The following ITFG1 variants were observed in gnomAD, a reference collection of about 807,000 sequenced individuals.
The protein encoded by ITFG1 is T-cell immunomodulatory protein.
A neutral mutation model predicts 81.8 loss-of-function variants in ITFG1; 34 were observed. The observed-to-expected ratio is 0.42, with a 90% CI of 0.32 to 0.55. The LOEUF is 0.55. Ranked by LOEUF, ITFG1 falls within the 20% of genes least tolerant of loss-of-function variation. ITFG1 has a pLI of 0.17. For missense variants in ITFG1, 672 were observed against 755.4 expected, an observed-to-expected ratio of 0.89 and a Z score of 1.29; for synonymous variants, 285 against 270.6, an observed-to-expected ratio of 1.05 and a Z score of -0.52.
chr16:47,422,991 G>C (rs1291551990), intron 6 of ITFG1, among the ~76,000 whole-genome samples: 1 of 152,148 alleles, frequency 6.6e-6, no homozygotes, highest in East Asian at 1.9e-4. Flanking sequence ...TCAACCTTCT[G>C]TCTTGTTGAT....
At chr16:47,456,716 G>A (rs898875836) in intron 2 of ITFG1, among the ~76,000 whole-genome samples, 2 of 151,184 alleles carry the variant, frequency 1.3e-5, no homozygotes, top group Non-Finnish European at 3.0e-5. Context: ...AAAAAAAGTG[G>A]GTAGAAAAAC....
At chr16:47,429,101 A>G (rs757180683) in intron 5 of ITFG1, among the ~76,000 whole-genome samples, 1 of 152,184 alleles carries the variant, frequency 6.6e-6, no homozygotes, top group African/African-American at 2.4e-5. Context: ...ACTCCAAAGC[A>G]TTTTCATCAC....
chr16:47,356,811 T>G (rs1268856608), intron 8 of ITFG1, among the ~76,000 whole-genome samples: 1 of 152,130 alleles, frequency 6.6e-6, no homozygotes, highest in Non-Finnish European at 1.5e-5. Flanking sequence ...GAAATGGAAG[T>G]CAGACGTGTT....
At chr16:47,274,404 G>C (rs1415741461) in intron 10 of ITFG1, among the ~76,000 whole-genome samples, 1 of 152,078 alleles carries the variant, frequency 6.6e-6, no homozygotes, top group Non-Finnish European at 1.5e-5. Flanking sequence ...GATTAAACCA[G>C]GAATGTATAT....
intron 14 of ITFG1, among the ~76,000 whole-genome samples, chr16:47,168,204 T>G (rs1438968316): frequency 2.6e-5 from 4 of 152,234 alleles, no homozygotes; most frequent in Non-Finnish European, 5.9e-5. Flanking sequence ...TTTTCTGTGC[T>G]TATTGGCTAC....
At chr16:47,428,564 A>G (rs1358588850) in intron 6 of ITFG1, among the ~76,000 whole-genome samples, 1 of 152,220 alleles carries the variant, frequency 6.6e-6, no homozygotes, top group African/African-American at 2.4e-5. Context: ...TGAATTCATA[A>G]AAAGTAGAGA....
chr16:47,226,618 C>T (rs1000709022), intron 13 of ITFG1, among the ~76,000 whole-genome samples: 31 of 148,600 alleles, frequency 2.1e-4, no homozygotes, highest in Non-Finnish European at 3.3e-4. Flanking sequence ...TGACAACATG[C>T]GGTGTTTGGT....
At chr16:47,223,757 C>T (rs936342199) in intron 13 of ITFG1, among the ~76,000 whole-genome samples, 1 of 152,142 alleles carries the variant, frequency 6.6e-6, no homozygotes, top group African/African-American at 2.4e-5. Flanking sequence ...TATAAAGACA[C>T]GTGCACATGT....
At position 47,168,582 on chromosome 16, in the gene ITFG1, C is replaced by A. The variant is rs144601947; in HGVS notation, c.1454-5918G>T. On this transcript the variant is annotated intron_variant, in intron 14 of 17. Coordinates refer to ENST00000320640, the MANE Select transcript of ITFG1 (RefSeq NM_030790.5). ...TTTTTTTTTTTTCTAGAGACAAGGTCTCACTATATTGCCCATGCTGGTCTC... is the reference window on the plus strand; with the variant it reads ...TTTTTTTTTTTTCTAGAGACAAGGTATCACTATATTGCCCATGCTGGTCTC... Among the ~76,000 whole-genome samples the A allele has an allele frequency of 4.6e-5, 6 of 130,620 alleles. No individual in the cohort carries two copies. In the East Asian group the frequency reaches 1.5e-3, roughly 32 times the overall value. The allele number at this position is 130,620 out of a possible 152,430, so 85.7% of individuals were successfully genotyped here.
At chr16:47,405,106 GA>G (rs1968711791) in intron 6 of ITFG1, among the ~76,000 whole-genome samples, 1 of 151,860 alleles carries the variant, frequency 6.6e-6, no homozygotes, top group Admixed American at 6.6e-5. Flanking sequence ...ATCATCTGAT[GA>G]AAAGTGGTTT....
intron 6 of ITFG1, among the ~76,000 whole-genome samples, chr16:47,380,048 C>CAAAA (rs763213367): frequency 2.4e-3 from 117 of 49,056 alleles, no homozygotes; most frequent in African/African-American, 7.2e-3. Flanking sequence ...CTTGGGTAGC[C>CAAAA]AAAAAAAAAA....
chr16:47,344,966 C>T (rs1271714597), intron 8 of ITFG1, among the ~76,000 whole-genome samples: 5 of 152,162 alleles, frequency 3.3e-5, no homozygotes, highest in Non-Finnish European at 7.3e-5. Context: ...ATCCATTCAT[C>T]TGTTGATGGA....
intron 14 of ITFG1, among the ~76,000 whole-genome samples, chr16:47,217,751 C>G (rs1965641601): frequency 6.6e-6 from 1 of 152,114 alleles, no homozygotes; most frequent in Non-Finnish European, 1.5e-5. Flanking sequence ...AGGTGAAACC[C>G]CATCTCTACT....
In ITFG1 at chr16:47,200,736, G is replaced by A. The variant is rs115619049; in HGVS notation, c.1453+18132C>T. On this transcript the variant is annotated intron_variant, in intron 14 of 17. Transcript: ENST00000320640. The stretch of plus-strand genomic sequence containing the variant: ...GGACTCCTGAAGGAGCCCCTGGGAC[G>A]TTATTAGAAATGAAAATTCTGTGGC... Among the ~76,000 whole-genome samples the A allele has an allele frequency of 3.0e-3, 460 of 152,212 alleles. 2 individuals are homozygous for A. Among genetic ancestry groups the A allele is most frequent in the African/African-American group, 0.011 (438 of 41,540 alleles).
chr16:47,410,727 A>G (rs1008262950), intron 6 of ITFG1, among the ~76,000 whole-genome samples: 1 of 152,186 alleles, frequency 6.6e-6, no homozygotes, highest in African/African-American at 2.4e-5. Flanking sequence ...GATCTTGGCT[A>G]CAAGACACCC....
chr16:47,159,760 A>G (rs1186366144), intron 16 of ITFG1, among the ~76,000 whole-genome samples: 1 of 152,144 alleles, frequency 6.6e-6, no homozygotes, highest in Non-Finnish European at 1.5e-5. Flanking sequence ...GGTAATGGCT[A>G]TATTTTTATT....
At chr16:47,399,555 A>T (rs1431921273) in intron 6 of ITFG1, among the ~76,000 whole-genome samples, 5 of 151,696 alleles carry the variant, frequency 3.3e-5, no homozygotes, top group Admixed American at 1.3e-4. Context: ...CCTGGGCAAG[A>T]GAGCGAGACT....
chr16:47,221,155 C>T (rs961073978), intron 13 of ITFG1, among the ~76,000 whole-genome samples: 3 of 152,002 alleles, frequency 2.0e-5, no homozygotes, highest in Admixed American at 1.3e-4. Flanking sequence ...TCGGAAGCTC[C>T]CTGAAAAGCT....
intron 10 of ITFG1, among the ~76,000 whole-genome samples, chr16:47,264,104 A>G (rs1039071692): frequency 3.9e-5 from 6 of 152,204 alleles, no homozygotes; most frequent in Non-Finnish European, 5.9e-5. Context: ...AATGATTACA[A>G]AAGCAATCAT....
Sources: allele counts gnomAD v4.1 joint callset (sites outside exome capture counted in the v4.1 genomes callset), GRCh38; gene constraint gnomAD v4.1.1; transcripts MANE v1.5; gene names NCBI Gene and HGNC (gene_info 2026-07-23, HGNC 2026-07-21).